The following TFB2M variants were observed in gnomAD, a reference collection of about 807,000 sequenced individuals.
TFB2M encodes transcription factor B2, mitochondrial.
A neutral mutation model predicts 41.3 loss-of-function variants in TFB2M; 44 were observed. The observed-to-expected ratio is 1.07, with a 90% CI of 0.84 to 1.37. The LOEUF (loss-of-function observed/expected upper bound fraction) is 1.37. Ranked by LOEUF, TFB2M falls within the 40% of genes most tolerant of loss-of-function variation. TFB2M has a pLI of 0.00. For missense variants in TFB2M, 496 were observed against 490.2 expected (o/e 1.01, Z -0.11); for synonymous variants, 188 against 176.8 (o/e 1.06, Z -0.50).
chr1:246,561,880 C>T (rs981351753), intron 2 of TFB2M, among the ~76,000 whole-genome samples: 1 of 152,152 alleles, frequency 6.6e-6, no homozygotes, highest in South Asian at 2.1e-4. Context: ...GTAGATTAAC[C>T]TTTAAATATA....
intron 2 of TFB2M, among the ~76,000 whole-genome samples, chr1:246,558,923 CA>C (rs11346976): frequency 0.97 from 147,015 of 151,416 alleles, 71,499 homozygotes; most frequent in Non-Finnish European, 1. Flanking sequence ...TTCGAAGTTA[CA>C]AAAAAAAAAA....
intron 3 of TFB2M, 29 bp from the exon 4 acceptor site, chr1:246,556,750 A>C: frequency 6.6e-7 from 1 of 1,525,346 alleles, no homozygotes; most frequent in Non-Finnish European, 8.7e-7. Context: ...AAAAGATTTG[A>C]ATAAAGTTCT....
Sources: allele counts gnomAD v4.1 joint callset (sites outside exome capture counted in the v4.1 genomes callset), GRCh38; gene constraint gnomAD v4.1.1; transcripts MANE v1.5; gene names NCBI Gene and HGNC (gene_info 2026-07-23, HGNC 2026-07-21).